COA1: variants seen among roughly 807,000 people sequenced by gnomAD.
The protein encoded by COA1 is cytochrome c oxidase assembly factor 1.
Under a neutral mutation model 16.0 loss-of-function variants are expected in COA1, and 13 were observed. That is an observed-to-expected ratio of 0.81 (90% CI 0.53 to 1.29). The LOEUF (loss-of-function observed/expected upper bound fraction) is 1.29. Ranked by LOEUF, COA1 falls within the 50% of genes most tolerant of loss-of-function variation. COA1 has a pLI of 0.00. For synonymous variants in COA1, 65 were observed against 65.7 expected, an observed-to-expected ratio of 0.99 and a Z score of 0.05; for missense variants, 179 against 177.0, an observed-to-expected ratio of 1.01 and a Z score of -0.06.
At chr7:43,718,820 G>A (rs1395517808) in intron 1 of COA1, among the ~76,000 whole-genome samples, 1 of 152,130 alleles carries the variant, frequency 6.6e-6, no homozygotes, top group Non-Finnish European at 1.5e-5. Flanking sequence ...AGTCTTGGGT[G>A]TCAGTTAATT....
intron 1 of COA1, among the ~76,000 whole-genome samples, chr7:43,722,750 G>A (rs568679186): frequency 2.0e-5 from 3 of 152,330 alleles, no homozygotes; most frequent in Non-Finnish European, 4.4e-5. Context: ...AAAAGCTGGT[G>A]CATAAACAGG....
At chr7:43,715,940 C>T (rs762319455) in intron 1 of COA1, among the ~76,000 whole-genome samples, 3 of 152,124 alleles carry the variant, frequency 2.0e-5, no homozygotes, top group South Asian at 2.1e-4. Flanking sequence ...CAGGGGTTTC[C>T]GCTTTTGCAT....
At position 43,639,286 on chromosome 7, in the gene COA1, A is replaced by C. The variant is rs770746683; in HGVS notation, c.*296T>G. On this transcript the variant is annotated 3_prime_UTR_variant, in exon 6 of 6. Coordinates refer to ENST00000223336, the MANE Select transcript of COA1 (RefSeq NM_018224.4). ...ATCAACAAACATTTTATTAATTCTG[A>C]TTCCTTTTATCATGTGCTTTTTTAT... 4.9e-6 allele frequency: 1 copy of C among 205,898 alleles called. No homozygotes were observed. The highest frequency in any genetic ancestry group is 9.8e-6 in the Non-Finnish European group (1 of 102,214). 12.8% of individuals were successfully genotyped at this position (205,898 alleles called of 1,614,324 possible). A position where few individuals can be genotyped will look rare whatever the true frequency, so the allele number is the denominator to read the frequency against.
intron 1 of COA1, among the ~76,000 whole-genome samples, chr7:43,724,925 T>C (rs1269836762): frequency 6.6e-6 from 1 of 152,212 alleles, no homozygotes; most frequent in Non-Finnish European, 1.5e-5. Context: ...TATCATTTAA[T>C]GGGTGCAGTG....
chr7:43,694,218 G>A (rs900782927), intron 1 of COA1, among the ~76,000 whole-genome samples: 1 of 143,338 alleles, frequency 7.0e-6, no homozygotes, highest in Admixed American at 7.3e-5. Context: ...CTCTATATTA[G>A]TCACATCAGC....
At chr7:43,608,681 T>C (rs2082644460) in exon 7 of COA1, 1 of 241,722 alleles carries the variant, frequency 4.1e-6, no homozygotes, top group East Asian at 8.5e-5. Context: ...AGTTAGGATT[T>C]AGATAAGTTG....
intron 1 of COA1, among the ~76,000 whole-genome samples, chr7:43,714,553 C>T (rs995286856): frequency 3.3e-5 from 5 of 151,082 alleles, no homozygotes; most frequent in South Asian, 2.1e-4. Context: ...TGCTTGAACC[C>T]GGGAGGCAGA....
chr7:43,719,289 A>C (rs754710493), intron 1 of COA1, among the ~76,000 whole-genome samples: 30 of 152,062 alleles, frequency 2.0e-4, no homozygotes, highest in Admixed American at 7.2e-4. Context: ...CTTAATAAAT[A>C]AAACTATCTC....
chr7:43,624,501 A>T (rs750914574), intron 6 of COA1: 3 of 1,586,674 alleles, frequency 1.9e-6, no homozygotes, highest in Non-Finnish European at 2.6e-6. Flanking sequence ...TTAACTGTAA[A>T]ACATGTATCT....
chr7:43,678,267 A>G (rs75290139), intron 1 of COA1, among the ~76,000 whole-genome samples: 1 of 152,272 alleles, frequency 6.6e-6, no homozygotes, highest in African/African-American at 2.4e-5. Flanking sequence ...CTGGGAAAAT[A>G]AATATCCACA....
chr7:43,657,553 A>G lies in COA1; in HGVS notation c.-38-8901T>C, dbSNP rs566156086. 3.9e-4 allele frequency among the ~76,000 whole-genome samples: 60 copies of G among 152,318 alleles called. 1 individual carries two copies. Among genetic ancestry groups the G allele is most frequent in the African/African-American group, 1.4e-3 (58 of 41,572 alleles). ...ATATTTGCCAACTGCATCCAAAACC[A>G]GGCGCCGTGCTAGGCACTAGAAACA... On this transcript the variant is annotated intron_variant, in intron 1 of 5. Coordinates refer to ENST00000223336, the MANE Select transcript of COA1 (RefSeq NM_018224.4).
At chr7:43,691,369 G>A (rs796732332) in intron 1 of COA1, among the ~76,000 whole-genome samples, 1,231 of 18,578 alleles carry the variant, frequency 0.066, 49 homozygotes, top group Middle Eastern at 0.29. Context: ...GGGAGGGAGG[G>A]AGGGAGGGAG....
chr7:43,621,278 G>A (rs917676133), intron 6 of COA1, among the ~76,000 whole-genome samples: 14 of 152,138 alleles, frequency 9.2e-5, no homozygotes, highest in Middle Eastern at 3.2e-3. Context: ...ACTAATATGC[G>A]TCATGACCAC....
intron 1 of COA1, among the ~76,000 whole-genome samples, chr7:43,695,072 T>C (rs781260271): frequency 2.6e-5 from 4 of 152,210 alleles, no homozygotes; most frequent in Admixed American, 6.5e-5. Context: ...GCCACCTTCA[T>C]TGTCCACACT....
chr7:43,624,517 G>A (rs2084274829), intron 6 of COA1: 1 of 1,607,362 alleles, frequency 6.2e-7, no homozygotes, highest in African/African-American at 1.3e-5. Flanking sequence ...TATCTTTACA[G>A]AGATCGAGCC....
At chr7:43,728,190 G>A (rs1253642399) in intron 1 of COA1, among the ~76,000 whole-genome samples, 4 of 152,148 alleles carry the variant, frequency 2.6e-5, no homozygotes, top group Admixed American at 6.5e-5. Context: ...TAGCCAGGAC[G>A]GTCTTGATCT....
chr7:43,659,512 A>T (rs10081211), intron 1 of COA1, among the ~76,000 whole-genome samples: 22,375 of 152,288 alleles, frequency 0.15, 2,196 homozygotes, highest in Non-Finnish European at 0.21. Flanking sequence ...ATGGACTCTG[A>T]TTCATAACCA....
At chr7:43,659,242 G>T (rs1029729125) in intron 1 of COA1, 1 of 152,204 alleles carries the variant, frequency 6.6e-6, no homozygotes, top group Admixed American at 6.5e-5. Context: ...AGGACAAGGC[G>T]CATAGCAGAG....
intron 1 of COA1, among the ~76,000 whole-genome samples, chr7:43,652,443 C>A (rs1437461069): frequency 6.6e-6 from 1 of 152,038 alleles, no homozygotes; most frequent in African/African-American, 2.4e-5. Context: ...TTTTGCCTTT[C>A]TGAACTAGAA....
Sources: allele counts gnomAD v4.1 joint callset (sites outside exome capture counted in the v4.1 genomes callset), GRCh38; gene constraint gnomAD v4.1.1; transcripts MANE v1.5; gene names NCBI Gene and HGNC (gene_info 2026-07-23, HGNC 2026-07-21).